Variants in FRMD4A observed in about 807,000 individuals in gnomAD.
FRMD4A encodes FERM domain containing 4A.
Under a neutral mutation model 129.1 loss-of-function variants are expected in FRMD4A, and 29 were observed. That is an observed-to-expected ratio of 0.22 (90% CI 0.17 to 0.31). The LOEUF (loss-of-function observed/expected upper bound fraction) is 0.31, where lower values mean the gene tolerates loss of function less well. Among genes scored for constraint, FRMD4A ranks in the 10% least tolerant of loss-of-function variants. The pLI is 1.00. For missense variants in FRMD4A, 1,272 were observed against 1,375.8 expected, an observed-to-expected ratio of 0.92 and a Z score of 1.19; for synonymous variants, 634 against 571.6, an observed-to-expected ratio of 1.11 and a Z score of -1.56.
chr10:13,662,317 C>A (rs371213029), intron 19 of FRMD4A, among the ~76,000 whole-genome samples: 2 of 152,274 alleles, frequency 1.3e-5, no homozygotes, highest in East Asian at 3.9e-4. Flanking sequence ...AATAATCCGC[C>A]AGACTTTCCT....
intron 2 of FRMD4A, among the ~76,000 whole-genome samples, chr10:14,322,264 C>T (rs1329198592): frequency 6.6e-6 from 1 of 152,052 alleles, no homozygotes; most frequent in Non-Finnish European, 1.5e-5. Context: ...CCATGACTAG[C>T]TGAACCAGGT....
At chr10:13,721,511 T>A (rs2089409209) in intron 12 of FRMD4A, among the ~76,000 whole-genome samples, 1 of 152,124 alleles carries the variant, frequency 6.6e-6, no homozygotes, top group African/African-American at 2.4e-5. Context: ...AGACTTATTA[T>A]TTAAAAGGAG....
chr10:13,947,608 G>GCACACACA (rs147781803), intron 2 of FRMD4A, among the ~76,000 whole-genome samples: 2 of 148,558 alleles, frequency 1.3e-5, no homozygotes, highest in Non-Finnish European at 3.0e-5. Flanking sequence ...ACACACACGT[G>GCACACACA]CACACACACA....
chr10:13,687,728 C>T (rs1186266750), intron 15 of FRMD4A, among the ~76,000 whole-genome samples: 1 of 152,178 alleles, frequency 6.6e-6, no homozygotes, highest in Admixed American at 6.5e-5. Flanking sequence ...TGGGCTGTCA[C>T]AGGGCAGAGT....
intron 2 of FRMD4A, among the ~76,000 whole-genome samples, chr10:13,879,778 TTCC>T (rs1453771248): frequency 8.0e-5 from 8 of 99,830 alleles, no homozygotes; most frequent in Middle Eastern, 5.1e-3. Context: ...CTTCCCCTTC[TTCC>T]TCCTCCTCCT....
chr10:13,830,996 G>T (rs1241508331), intron 3 of FRMD4A, among the ~76,000 whole-genome samples: 1 of 152,120 alleles, frequency 6.6e-6, no homozygotes, highest in East Asian at 1.9e-4. Context: ...TGCCATGTTG[G>T]CCAGGCTGGT....
At chr10:14,173,034 A>AC (rs1472947630) in intron 2 of FRMD4A, among the ~76,000 whole-genome samples, 1 of 152,174 alleles carries the variant, frequency 6.6e-6, no homozygotes, top group East Asian at 1.9e-4. Context: ...GCAGGAAAAA[A>AC]AAATGTTCAA....
intron 2 of FRMD4A, among the ~76,000 whole-genome samples, chr10:13,998,543 C>T (rs1218609118): frequency 5.9e-5 from 9 of 152,184 alleles, no homozygotes; most frequent in Admixed American, 1.3e-4. Flanking sequence ...TAGCACATCA[C>T]GAATAGAACC....
intron 2 of FRMD4A, among the ~76,000 whole-genome samples, chr10:14,243,632 G>T (rs571418771): frequency 5.8e-4 from 88 of 152,214 alleles, no homozygotes; most frequent in Non-Finnish European, 1.1e-3. Flanking sequence ...ATGTAAAATG[G>T]TGGTTGCTAG....
chr10:13,793,075 C>G (rs375588883), intron 5 of FRMD4A, among the ~76,000 whole-genome samples: 1 of 152,134 alleles, frequency 6.6e-6, no homozygotes, highest in East Asian at 1.9e-4. Context: ...ATAGCCCAAC[C>G]TGGGTTACTC....
At chr10:13,734,948 A>G (rs1220589274) in intron 12 of FRMD4A, among the ~76,000 whole-genome samples, 1 of 151,854 alleles carries the variant, frequency 6.6e-6, no homozygotes, top group African/African-American at 2.4e-5. Flanking sequence ...ATCTCAGCTT[A>G]CTGCAACCTC....
chr10:13,707,221 A>T (rs566283068), intron 12 of FRMD4A, 108 bp from the exon 13 acceptor site: 22 of 839,266 alleles, frequency 2.6e-5, no homozygotes, highest in African/African-American at 2.4e-4. Context: ...TTATCAAAAC[A>T]GAGACCGTAG....
Position 13,937,021 on chromosome 10 carries a change from C to T in FRMD4A, c.46-78109G>A, listed in dbSNP as rs988948635. Among the ~76,000 whole-genome samples, 34 of 152,226 alleles carry T rather than the reference C, an allele frequency of 2.2e-4. 1 individual carries two copies. The highest frequency in any genetic ancestry group is 7.7e-4 in the African/African-American group (32 of 41,448). On this transcript the variant is annotated intron_variant, in intron 2 of 24. Transcript: ENST00000357447. ...AACAAGGCAGGCATGCATTGCCCTT[C>T]TGGCTGGGCTCACCAAAGGAGCCTT...
intron 2 of FRMD4A, among the ~76,000 whole-genome samples, chr10:14,025,574 C>G (rs570875968): frequency 1.3e-5 from 2 of 152,278 alleles, no homozygotes; most frequent in African/African-American, 4.8e-5. Context: ...TGATTATTGT[C>G]TAAGAAAAAT....
At chr10:14,282,881 A>G (rs1392257994) in intron 2 of FRMD4A, among the ~76,000 whole-genome samples, 2 of 152,214 alleles carry the variant, frequency 1.3e-5, no homozygotes, top group African/African-American at 4.8e-5. Flanking sequence ...CTTATTACAT[A>G]GACTGATATG....
At chr10:13,665,637 G>A (rs754647367) in intron 18 of FRMD4A, among the ~76,000 whole-genome samples, 34 of 152,146 alleles carry the variant, frequency 2.2e-4, no homozygotes, top group Non-Finnish European at 3.5e-4. Context: ...CTTGGGATAG[G>A]AGGCCCCTGG....
intron 2 of FRMD4A, among the ~76,000 whole-genome samples, chr10:14,287,054 G>A (rs1043922016): frequency 6.6e-6 from 1 of 152,098 alleles, no homozygotes; most frequent in Non-Finnish European, 1.5e-5. Flanking sequence ...TAATAAAATT[G>A]CAAAGCAGGC....
intron 2 of FRMD4A, among the ~76,000 whole-genome samples, chr10:14,174,942 G>A (rs1335116081): frequency 1.3e-5 from 2 of 149,894 alleles, no homozygotes; most frequent in East Asian, 2.0e-4. Context: ...CGGGCACACT[G>A]TCCAGGAGTC....
At chr10:14,300,809 A>G (rs1422920067) in intron 2 of FRMD4A, among the ~76,000 whole-genome samples, 1 of 152,194 alleles carries the variant, frequency 6.6e-6, no homozygotes, top group Non-Finnish European at 1.5e-5. Context: ...GGTGTTATGC[A>G]CTGAAGAATT....
Sources: allele counts gnomAD v4.1 joint callset (sites outside exome capture counted in the v4.1 genomes callset), GRCh38; gene constraint gnomAD v4.1.1; transcripts MANE v1.5; gene names NCBI Gene and HGNC (gene_info 2026-07-23, HGNC 2026-07-21).